KIF21A: variants seen among roughly 807,000 people sequenced by gnomAD.
The protein encoded by KIF21A is kinesin family member 21A, also known as kinesin-like protein KIF21A.
KIF21A carries 114 observed loss-of-function variants against 202.9 expected under a neutral mutation model. That is an observed-to-expected ratio of 0.56 (90% confidence interval 0.48 to 0.66). The LOEUF (loss-of-function observed/expected upper bound fraction) is 0.66. Among genes scored for constraint, KIF21A ranks in the 30% least tolerant of loss-of-function variants. The probability of loss-of-function intolerance (pLI) is 0.00; values close to 1 mark genes in which losing one functional copy is unlikely to be tolerated. For missense variants in KIF21A, 1,677 were observed against 1,994.9 expected (o/e 0.84, Z 3.04); for synonymous variants, 667 against 670.8 (o/e 0.99, Z 0.09).
At chr12:39,332,472 A>ATGGGC in intron 20 of KIF21A, 64 bp from the exon 21 acceptor site, 2 of 1,338,170 alleles carry the variant, frequency 1.5e-6, no homozygotes, top group Non-Finnish European at 2.1e-6. Context: ...AGTACCATCA[A>ATGGGC]ACCCCCCCAC....
intron 25 of KIF21A, 41 bp from the exon 26 acceptor site, chr12:39,325,934 AATT>A (rs1212951706): frequency 4.6e-6 from 7 of 1,525,938 alleles, no homozygotes; most frequent in Non-Finnish European, 6.3e-6. Context: ...TTAAATAGAA[AATT>A]ATTATAGAAA....
intron 34 of KIF21A, among the ~76,000 whole-genome samples, chr12:39,307,349 T>C (rs755360777): frequency 1.3e-5 from 2 of 152,096 alleles, no homozygotes; most frequent in Non-Finnish European, 2.9e-5. Context: ...CATATACTTA[T>C]TTTCCCCAGC....
intron 37 of KIF21A, among the ~76,000 whole-genome samples, chr12:39,301,198 T>C (rs1205121613): frequency 6.6e-6 from 1 of 152,212 alleles, no homozygotes; most frequent in East Asian, 1.9e-4. Flanking sequence ...AAATTAGTCA[T>C]TATTTTCTAA....
rs558554918 is a variant in KIF21A, at chr12:39,300,925, T to C, written c.4931+555A>G. On this transcript the variant is annotated intron_variant, in intron 37 of 37. Coordinates refer to ENST00000361418, the MANE Select transcript of KIF21A (RefSeq NM_001173464.2). Reference sequence around the variant, plus strand: ...CTAATGTATTTTCCATTTCTTCTCATAAGAATATAGACTGGGTTTGGAATC... The same window carrying C: ...CTAATGTATTTTCCATTTCTTCTCACAAGAATATAGACTGGGTTTGGAATC... Among the ~76,000 whole-genome samples, 19 of 152,282 alleles carry C rather than the reference T, an allele frequency of 1.2e-4. No individual in the cohort carries two copies. The East Asian group carries it at 1.5e-3, about 12-fold the overall frequency.
intron 1 of KIF21A, among the ~76,000 whole-genome samples, chr12:39,403,617 GTAA>G (rs1211187388): frequency 6.6e-6 from 1 of 152,152 alleles, no homozygotes; most frequent in Non-Finnish European, 1.5e-5. Context: ...TGAAATGAAA[GTAA>G]TAATACCTGT....
At chr12:39,305,454 G>A (rs1943379833) in intron 34 of KIF21A, among the ~76,000 whole-genome samples, 1 of 151,308 alleles carries the variant, frequency 6.6e-6, no homozygotes, top group African/African-American at 2.4e-5. Flanking sequence ...CATGATCATG[G>A]CACACTGCAG....
rs940074449 is a variant in KIF21A, at chr12:39,340,969, T to A, written c.2047A>T (p.Met683Leu). Residue 683 changes from methionine to leucine, a missense_variant, in exon 15 of 38, where the codon ATG becomes TTG. Around this residue, in one of 3 missense-constraint regions of KIF21A, gnomAD observed 966 missense variants for 1,180.9 expected, o/e 0.82. Transcript: ENST00000361418. ...TLKKQYEEKL[M>L]MLQHKIRDTQ... ...TCCCGAATTTTATGTTGCAGCATCA[T>A]TAGCTTCTCTTCATACTGCTTTTTC... The A allele has an allele frequency of 1.2e-6, 2 of 1,613,232 alleles. No individual in the cohort carries two copies. Among genetic ancestry groups the A allele is most frequent in the African/African-American group, 1.3e-5 (1 of 74,896 alleles).
chr12:39,431,007 GTTGGTA>G (rs1304041025), intron 1 of KIF21A, among the ~76,000 whole-genome samples: 1 of 152,174 alleles, frequency 6.6e-6, no homozygotes, highest in Non-Finnish European at 1.5e-5. Context: ...AGTCGTCCCT[GTTGGTA>G]TTCTGTTATA....
intron 1 of KIF21A, among the ~76,000 whole-genome samples, chr12:39,430,202 A>C (rs1937664035): frequency 6.6e-6 from 1 of 151,412 alleles, no homozygotes; most frequent in Non-Finnish European, 1.5e-5. Flanking sequence ...AAAAAAAAAC[A>C]ACCTTAAAAA....
At chr12:39,358,886 TAC>T (rs56960313) in intron 7 of KIF21A, among the ~76,000 whole-genome samples, 6,913 of 152,286 alleles carry the variant, frequency 0.045, 216 homozygotes, top group East Asian at 0.12. Context: ...TGATCAGAAT[TAC>T]AGTTTCTGGC....
At chr12:39,299,821 A>C (rs1942794608) in intron 37 of KIF21A, among the ~76,000 whole-genome samples, 1 of 152,154 alleles carries the variant, frequency 6.6e-6, no homozygotes, top group Non-Finnish European at 1.5e-5. Flanking sequence ...TGGAGCTGAG[A>C]CTATTATCCT....
intron 31 of KIF21A, 91 bp from the exon 32 acceptor site, chr12:39,311,644 T>A: frequency 7.7e-7 from 1 of 1,294,744 alleles, no homozygotes; most frequent in Non-Finnish European, 1.1e-6. Flanking sequence ...CCCCTAACTT[T>A]AAGAAGTCTT....
Position 39,442,806 on chromosome 12 carries a change from AC to A in KIF21A, c.44+120del. On this transcript the variant is annotated intron_variant, in intron 1 of 37. Coordinates refer to ENST00000361418, the MANE Select transcript of KIF21A (RefSeq NM_001173464.2). The surrounding 1 kb of genome is among the most constrained non-coding windows in gnomAD (Gnocchi z 5.0). Reference sequence around the variant, plus strand: ...CTGCCTCAGTTTCCTCAGCCGCAGAACCCGGCCGGGACGCCCCTCAGGTCGC... The same window carrying A: ...CTGCCTCAGTTTCCTCAGCCGCAGAACCGGCCGGGACGCCCCTCAGGTCGC... 2 of 1,264,834 alleles carry A rather than the reference AC, an allele frequency of 1.6e-6. No homozygotes were observed. Among genetic ancestry groups the A allele is most frequent in the Non-Finnish European group, 2.2e-6 (2 of 917,894 alleles). 78.4% of individuals were successfully genotyped at this position (1,264,834 alleles called of 1,614,324 possible). A position where few individuals can be genotyped will look rare whatever the true frequency, so the allele number is the denominator to read the frequency against.
Position 39,341,104 on chromosome 12 carries a change from A to G in KIF21A, c.1922-10T>C. On this transcript the variant is annotated splice_polypyrimidine_tract_variant and intron_variant, in intron 14 of 37. Coordinates refer to ENST00000361418, the MANE Select transcript of KIF21A (RefSeq NM_001173464.2). ...TCTGCTTGATAATTGGCTATTTATA[A>G]AAGAAGAAAATAAAAATCCTGGTGC... 1.3e-6 allele frequency: 2 copies of G among 1,581,002 alleles called. No homozygotes were observed. The highest frequency in any genetic ancestry group is 1.7e-6 in the Non-Finnish European group (2 of 1,158,920).
chr12:39,331,238 C>T (rs1946479146), intron 22 of KIF21A, among the ~76,000 whole-genome samples: 1 of 151,864 alleles, frequency 6.6e-6, no homozygotes, highest in East Asian at 1.9e-4. Flanking sequence ...AGTCAGAAAC[C>T]ATTATCACCT....
chr12:39,380,264 G>A (rs1006422789), intron 1 of KIF21A, among the ~76,000 whole-genome samples: 3 of 152,164 alleles, frequency 2.0e-5, no homozygotes, highest in Non-Finnish European at 4.4e-5. Flanking sequence ...CACCGCTCCC[G>A]GCCTAACAAC....
At chr12:39,294,651 T>C (rs1244212107) in intron 37 of KIF21A, 134 bp from the exon 38 acceptor site, 3 of 685,558 alleles carry the variant, frequency 4.4e-6, no homozygotes, top group Non-Finnish European at 7.7e-6. Context: ...ATGCATTGTC[T>C]CATTTATATA....
At chr12:39,309,496 T>C (rs1943801647) in intron 33 of KIF21A, 90 bp downstream of exon 33, 1 of 938,150 alleles carries the variant, frequency 1.1e-6, no homozygotes, top group Non-Finnish European at 1.6e-6. Context: ...TTAAAATGCA[T>C]TTATAGTCCT....
At chr12:39,355,589 G>C (rs185577250) in intron 10 of KIF21A, among the ~76,000 whole-genome samples, 14 of 151,634 alleles carry the variant, frequency 9.2e-5, no homozygotes, top group African/African-American at 3.4e-4. Context: ...ATTTTTAGCA[G>C]TAGGCAGGGA....
Sources: gnomAD v4.1 joint callset for allele counts (sites outside exome capture counted in the v4.1 genomes callset) on GRCh38, gnomAD v4.1.1 for gene constraint, gnomAD v4.1.1 regional missense constraint, Gnocchi (gnomAD v3.1) non-coding constraint, MANE v1.5 for transcripts, NCBI Gene and HGNC (gene_info 2026-07-23, HGNC 2026-07-21) for gene names.